The following IGFBP7 variants were observed in gnomAD, a reference collection of about 807,000 sequenced individuals.
The protein encoded by IGFBP7 is insulin like growth factor binding protein 7.
IGFBP7 carries 31 observed loss-of-function variants against 29.4 expected under a neutral mutation model. That is an observed-to-expected ratio of 1.05 (90% CI 0.79 to 1.42). IGFBP7 has a LOEUF of 1.42. IGFBP7 is among the 40% of genes most tolerant of loss of function. IGFBP7 has a pLI of 0.00. For missense variants in IGFBP7, 393 were observed against 395.5 expected (o/e 0.99, Z 0.05); for synonymous variants, 172 against 174.9 (o/e 0.98, Z 0.13).
At chr4:57,073,725 A>G (rs868528375) in intron 1 of IGFBP7, among the ~76,000 whole-genome samples, 4 of 152,158 alleles carry the variant, frequency 2.6e-5, no homozygotes, top group South Asian at 4.1e-4. Context: ...AGCTTCCACA[A>G]CTACAGTTAC....
intron 1 of IGFBP7, among the ~76,000 whole-genome samples, chr4:57,082,550 G>A (rs1371790906): frequency 5.9e-5 from 9 of 152,086 alleles, no homozygotes; most frequent in African/African-American, 1.9e-4. Context: ...AAGAACCTTC[G>A]AAATTTAGTT....
At chr4:57,083,361 T>A (rs550149541) in intron 1 of IGFBP7, among the ~76,000 whole-genome samples, 6 of 152,296 alleles carry the variant, frequency 3.9e-5, no homozygotes, top group Admixed American at 3.9e-4. Context: ...GGGGAAACAT[T>A]GTAGGTTATT....
At chr4:57,093,354 G>C (rs921371071) in intron 1 of IGFBP7, among the ~76,000 whole-genome samples, 1 of 152,112 alleles carries the variant, frequency 6.6e-6, no homozygotes, top group African/African-American at 2.4e-5. Context: ...TACAAAATTA[G>C]CTGGGTGTGG....
At chr4:57,081,276 T>G (rs1725361345) in intron 1 of IGFBP7, among the ~76,000 whole-genome samples, 1 of 152,074 alleles carries the variant, frequency 6.6e-6, no homozygotes, top group Non-Finnish European at 1.5e-5. Context: ...TGGCCCATAC[T>G]CAGCTATGGG....
chr4:57,060,920 T>G (rs1157405730), intron 1 of IGFBP7, among the ~76,000 whole-genome samples: 1 of 151,416 alleles, frequency 6.6e-6, no homozygotes, highest in South Asian at 2.1e-4. Flanking sequence ...AAGTTTTTTT[T>G]CCTGTAGTCC....
At chr4:57,087,892 G>A (rs879191965) in intron 1 of IGFBP7, among the ~76,000 whole-genome samples, 1 of 60,264 alleles carries the variant, frequency 1.7e-5, no homozygotes, top group Admixed American at 2.4e-4. Flanking sequence ...TTGGCCAGGT[G>A]TGGTGGCTTA....
intron 1 of IGFBP7, among the ~76,000 whole-genome samples, chr4:57,071,043 T>C (rs1725040336): frequency 6.6e-6 from 1 of 152,196 alleles, no homozygotes; most frequent in Non-Finnish European, 1.5e-5. Context: ...CCCTGCAAGT[T>C]ACTGAAGTCC....
At chr4:57,081,322 G>A (rs1009053476) in intron 1 of IGFBP7, among the ~76,000 whole-genome samples, 3 of 151,978 alleles carry the variant, frequency 2.0e-5, no homozygotes, top group African/African-American at 7.3e-5. Flanking sequence ...CATTAAAAAT[G>A]ACAGCTGTTA....
rs778419395 is a variant in IGFBP7 at position 57,030,912 on chromosome 4, G to A, written c.*405C>T. 49 of 1,603,470 alleles carry A rather than the reference G, an allele frequency of 3.1e-5. No homozygotes were observed. Among genetic ancestry groups the A allele is most frequent in the Admixed American group, 3.3e-5 (2 of 59,992 alleles). On this transcript the variant is annotated 3_prime_UTR_variant, in exon 5 of 5. Transcript: ENST00000295666. Reference sequence around the variant, plus strand: ...TTTTCTTTTCAGATTTCTTTGGTGCGAATGCCTTACGCATGCAAACTATTG... The same window carrying A: ...TTTTCTTTTCAGATTTCTTTGGTGCAAATGCCTTACGCATGCAAACTATTG...
At chr4:57,108,075 A>C (rs371985549) in intron 1 of IGFBP7, among the ~76,000 whole-genome samples, 1 of 152,260 alleles carries the variant, frequency 6.6e-6, no homozygotes, top group Non-Finnish European at 1.5e-5. Flanking sequence ...AATAACGCAC[A>C]TTTATCTTTT....
At chr4:57,035,078 CAT>C in intron 2 of IGFBP7, among the ~76,000 whole-genome samples, 1 of 152,236 alleles carries the variant, frequency 6.6e-6, no homozygotes, top group East Asian at 1.9e-4. Flanking sequence ...ATTTCAGAAT[CAT>C]ATGAGTTTTA....
intron 1 of IGFBP7, among the ~76,000 whole-genome samples, chr4:57,055,732 T>C (rs1226276604): frequency 1.3e-5 from 2 of 152,154 alleles, no homozygotes; most frequent in South Asian, 2.1e-4. Context: ...TCCTCATTCC[T>C]GCCCTTGACT....
chr4:57,033,273 G>T lies in IGFBP7; in HGVS notation c.624C>A (p.Leu208=). 6.2e-7 allele frequency: 1 copy of T among 1,614,138 alleles called. No individual in the cohort carries two copies. The highest frequency in any genetic ancestry group is 1.3e-5 in the African/African-American group (1 of 75,028). The stretch of plus-strand genomic sequence containing the variant: ...CCAGGTTGTCCCGGTCACCAGGCAG[G>T]AGTTCTGTCCTTTGAACTCCATAGT... ...RGHYGVQRTE[L]LPGDRDNLAI... Residue 208 remains leucine (L), a synonymous_variant, in exon 3 of 5, where the codon CTC becomes CTA. Coordinates refer to ENST00000295666, the MANE Select transcript of IGFBP7 (RefSeq NM_001553.3).
intron 1 of IGFBP7, among the ~76,000 whole-genome samples, chr4:57,056,562 A>T (rs1339357347): frequency 2.0e-5 from 3 of 152,210 alleles, no homozygotes; most frequent in Non-Finnish European, 2.9e-5. Flanking sequence ...CTCTGAAATC[A>T]GGGAAATGGG....
At chr4:57,091,655 T>G (rs1725638985) in intron 1 of IGFBP7, among the ~76,000 whole-genome samples, 1 of 152,250 alleles carries the variant, frequency 6.6e-6, no homozygotes, top group African/African-American at 2.4e-5. Context: ...CGGGAATAAT[T>G]CTGCCTGAAA....
At chr4:57,055,232 T>G (rs540663337) in intron 1 of IGFBP7, among the ~76,000 whole-genome samples, 12 of 152,326 alleles carry the variant, frequency 7.9e-5, no homozygotes, top group Admixed American at 2.0e-4. Flanking sequence ...ATCCAGTGGT[T>G]GCCAATCCTG....
At chr4:57,109,853 G>A in intron 1 of IGFBP7, 24 bp downstream of exon 1, 1 of 1,533,474 alleles carries the variant, frequency 6.5e-7, no homozygotes, top group Non-Finnish European at 8.7e-7. Flanking sequence ...GCGCAGGGTT[G>A]GAGAGGGAAG....
At chr4:57,056,984 T>C (rs997342742) in intron 1 of IGFBP7, among the ~76,000 whole-genome samples, 1 of 151,696 alleles carries the variant, frequency 6.6e-6, no homozygotes, top group African/African-American at 2.4e-5. Flanking sequence ...CAGAAAGGAG[T>C]TTTTCATGAT....
intron 1 of IGFBP7, among the ~76,000 whole-genome samples, chr4:57,041,821 G>A (rs1219870919): frequency 6.6e-6 from 1 of 152,150 alleles, no homozygotes; most frequent in African/African-American, 2.4e-5. Context: ...TTACAGGTGT[G>A]AGCCACCATG....
Sources: gnomAD v4.1 joint callset for allele counts (sites outside exome capture counted in the v4.1 genomes callset) on GRCh38, gnomAD v4.1.1 for gene constraint, MANE v1.5 for transcripts, NCBI Gene and HGNC (gene_info 2026-07-23, HGNC 2026-07-21) for gene names.